Variants in ATG5 observed in about 807,000 individuals in gnomAD.
ATG5 encodes the protein autophagy related 5.
ATG5 carries 14 observed loss-of-function variants against 36.5 expected under a neutral mutation model. That is an observed-to-expected ratio of 0.38 (90% confidence interval 0.25 to 0.60). The LOEUF (loss-of-function observed/expected upper bound fraction) is 0.60, where lower values mean the gene tolerates loss of function less well. Ranked by LOEUF, ATG5 falls within the 20% of genes least tolerant of loss-of-function variation. The pLI is 0.60. For synonymous variants in ATG5, 95 were observed against 101.5 expected (o/e 0.94, Z 0.38); for missense variants, 195 against 326.7 (o/e 0.60, Z 3.11).
chr6:106,226,877 A>G (rs1311281844), intron 6 of ATG5, among the ~76,000 whole-genome samples: 1 of 152,180 alleles, frequency 6.6e-6, no homozygotes, highest in Non-Finnish European at 1.5e-5. Flanking sequence ...AGCCAGAAGA[A>G]TGAATCAGCA....
intron 6 of ATG5, among the ~76,000 whole-genome samples, chr6:106,202,914 C>T (rs938274713): frequency 1.3e-5 from 2 of 152,160 alleles, no homozygotes; most frequent in South Asian, 2.1e-4. Flanking sequence ...CTGCCGGCTT[C>T]GGCCTCCCAG....
chr6:106,229,704 T>G (rs1222334165), intron 6 of ATG5, among the ~76,000 whole-genome samples: 1 of 152,152 alleles, frequency 6.6e-6, no homozygotes, highest in African/African-American at 2.4e-5. Context: ...CTGAAAACAC[T>G]AAGACCACTG....
chr6:106,213,260 A>G (rs1776923807), intron 6 of ATG5, among the ~76,000 whole-genome samples: 1 of 152,238 alleles, frequency 6.6e-6, no homozygotes, highest in Admixed American at 6.5e-5. Context: ...GTGTTATGTG[A>G]TAACAGAAAT....
chr6:106,230,334 T>C (rs1180948860), intron 6 of ATG5, among the ~76,000 whole-genome samples: 1 of 152,210 alleles, frequency 6.6e-6, no homozygotes, highest in African/African-American at 2.4e-5. Context: ...GAATGCATCT[T>C]GATGGAGCAG....
chr6:106,291,513 T>A (rs1316574732), intron 4 of ATG5, among the ~76,000 whole-genome samples: 1 of 152,206 alleles, frequency 6.6e-6, no homozygotes, highest in Non-Finnish European at 1.5e-5. Flanking sequence ...TTGAAAGGGT[T>A]TCAGGAACCC....
intron 6 of ATG5, among the ~76,000 whole-genome samples, chr6:106,244,882 G>A (rs1778269484): frequency 6.6e-6 from 1 of 152,184 alleles, no homozygotes; most frequent in Non-Finnish European, 1.5e-5. Context: ...TTGAAAAACA[G>A]ATATGATGTG....
At chr6:106,267,339 G>C (rs1339673591) in intron 5 of ATG5, among the ~76,000 whole-genome samples, 2 of 152,134 alleles carry the variant, frequency 1.3e-5, no homozygotes, top group African/African-American at 4.8e-5. Context: ...GGAAATGAGA[G>C]GACACAAACA....
At chr6:106,287,627 AG>A (rs1780131079) in intron 4 of ATG5, among the ~76,000 whole-genome samples, 1 of 152,232 alleles carries the variant, frequency 6.6e-6, no homozygotes, top group Non-Finnish European at 1.5e-5. Flanking sequence ...AAGGTTTTAT[AG>A]GATTTGTTTA....
At chr6:106,273,852 CCTA>C (rs1779545221) in intron 5 of ATG5, among the ~76,000 whole-genome samples, 1 of 152,162 alleles carries the variant, frequency 6.6e-6, no homozygotes, top group Admixed American at 6.5e-5. Context: ...TTTTATGTTA[CCTA>C]CCAAACAAAA....
intron 5 of ATG5, among the ~76,000 whole-genome samples, chr6:106,269,897 G>A (rs1460627299): frequency 6.6e-6 from 1 of 152,218 alleles, no homozygotes; most frequent in African/African-American, 2.4e-5. Flanking sequence ...CCCAAAGTAG[G>A]AGCCCAGGCA....
intron 3 of ATG5, among the ~76,000 whole-genome samples, chr6:106,295,828 TA>T (rs1350819942): frequency 6.6e-6 from 1 of 152,194 alleles, no homozygotes; most frequent in East Asian, 1.9e-4. Flanking sequence ...CCACCCAAAG[TA>T]ATGAGATTAT....
intron 3 of ATG5, among the ~76,000 whole-genome samples, chr6:106,298,073 T>C (rs537436425): frequency 2.4e-4 from 36 of 151,468 alleles, no homozygotes; most frequent in Non-Finnish European, 5.2e-4. Context: ...CAAGCGATTC[T>C]CCTGCCTCAG....
intron 5 of ATG5, among the ~76,000 whole-genome samples, chr6:106,250,473 T>C (rs1167851330): frequency 1.3e-5 from 2 of 152,212 alleles, no homozygotes; most frequent in Non-Finnish European, 1.5e-5. Flanking sequence ...GACCAGAATC[T>C]TGGTCTTCCG....
intron 6 of ATG5, among the ~76,000 whole-genome samples, chr6:106,236,072 T>C (rs918976040): frequency 6.6e-6 from 1 of 152,230 alleles, no homozygotes; most frequent in Non-Finnish European, 1.5e-5. Context: ...TTGTCTGTTC[T>C]AGAACTTCTT....
chr6:106,233,086 T>C (rs1199224846), intron 6 of ATG5, among the ~76,000 whole-genome samples: 1 of 152,224 alleles, frequency 6.6e-6, no homozygotes, highest in Non-Finnish European at 1.5e-5. Flanking sequence ...AGAAACCTTG[T>C]GCCATCAAGT....
At chr6:106,313,474 C>G (rs1226427869) in intron 2 of ATG5, among the ~76,000 whole-genome samples, 1 of 152,128 alleles carries the variant, frequency 6.6e-6, no homozygotes, top group African/African-American at 2.4e-5. Flanking sequence ...AGAAACAAGT[C>G]ACAAAATAGC....
chr6:106,323,054 G>T (rs1771153282), intron 1 of ATG5, among the ~76,000 whole-genome samples: 2 of 151,986 alleles, frequency 1.3e-5, no homozygotes, highest in African/African-American at 2.4e-5. Context: ...CAGTGGCTGG[G>T]ACTACAAGCG....
At chr6:106,243,459 C>G (rs557868638) in intron 6 of ATG5, among the ~76,000 whole-genome samples, 1 of 150,674 alleles carries the variant, frequency 6.6e-6, no homozygotes, top group East Asian at 1.9e-4. Flanking sequence ...GCCGGGAAGG[C>G]AGAGGCTGTA....
Position 106,293,066 on chromosome 6 carries a change from T to A in ATG5, c.277A>T (p.Ser93Cys). 1 of 1,613,718 alleles carries A rather than the reference T, an allele frequency of 6.2e-7. No individual in the cohort carries two copies. The highest frequency in any genetic ancestry group is 1.1e-5 in the South Asian group (1 of 91,028). Residue 93 changes from serine to cysteine, a missense_variant, in exon 4 of 8, where the codon AGT (serine) becomes TGT (cysteine). Transcript: ENST00000369076. ...IGLLFDLLAS[S>C]SALPWNITVH... Reference sequence around the variant, plus strand: ...GTGATGTTCCAAGGAAGAGCTGAACTTGATGCAAGAAGATCAAATAGCAAA... The same window carrying A: ...GTGATGTTCCAAGGAAGAGCTGAACATGATGCAAGAAGATCAAATAGCAAA...
Sources: allele counts gnomAD v4.1 joint callset (sites outside exome capture counted in the v4.1 genomes callset), GRCh38; gene constraint gnomAD v4.1.1; transcripts MANE v1.5; gene names NCBI Gene and HGNC (gene_info 2026-07-23, HGNC 2026-07-21).